The following ELN variants were observed in gnomAD, a reference collection of about 807,000 sequenced individuals.
ELN encodes tropoelastin.
In ELN, 65 loss-of-function variants were observed where a neutral mutation model predicts 105.8. The ratio of observed to expected loss-of-function variants is 0.61; its 90% CI spans 0.50 to 0.75. ELN has a LOEUF of 0.75. Among genes scored for constraint, ELN ranks in the 30% least tolerant of loss-of-function variants. The pLI, the probability that ELN is intolerant of heterozygous loss-of-function variation, is 0.00. For missense variants in ELN, 882 were observed against 969.4 expected (o/e 0.91, Z 1.20); for synonymous variants, 368 against 389.2 (o/e 0.95, Z 0.64).
chr7:74,065,473 G>C (rs1554688390), intron 29 of ELN, among the ~76,000 whole-genome samples: 1 of 151,792 alleles, frequency 6.6e-6, no homozygotes, highest in East Asian at 1.9e-4. Context: ...AATTAGCCAG[G>C]CGTGGTGGTG....
intron 25 of ELN, 183 bp downstream of exon 25, chr7:74,060,684 C>A: frequency 2.0e-6 from 3 of 1,484,846 alleles, no homozygotes; most frequent in Non-Finnish European, 2.7e-6. Context: ...GCCAAGGGAC[C>A]CCAGGCTGCC....
intron 4 of ELN, 136 bp from the exon 5 acceptor site, chr7:74,041,080 C>A: frequency 5.5e-6 from 6 of 1,097,288 alleles, no homozygotes; most frequent in Non-Finnish European, 8.4e-6. Context: ...CAGGATCGAC[C>A]CTGAGCATCA....
At chr7:74,061,354 T>TA (rs1327052532) in intron 26 of ELN, among the ~76,000 whole-genome samples, 1 of 150,666 alleles carries the variant, frequency 6.6e-6, no homozygotes, top group African/African-American at 2.5e-5. Flanking sequence ...CCATCTCTAC[T>TA]AAAAATTCAA....
intron 2 of ELN, among the ~76,000 whole-genome samples, chr7:74,036,183 G>A (rs1426469405): frequency 4.6e-5 from 7 of 151,976 alleles, no homozygotes; most frequent in Admixed American, 6.6e-5. Flanking sequence ...CCAGCTACTC[G>A]GGAGGCTAAG....
At chr7:74,034,802 T>C (rs1213322589) in intron 1 of ELN, among the ~76,000 whole-genome samples, 1 of 152,130 alleles carries the variant, frequency 6.6e-6, no homozygotes, top group Non-Finnish European at 1.5e-5. Flanking sequence ...CCTGATTTCA[T>C]GTCTTAAGAT....
In ELN at chr7:74,041,155, C is replaced by T; in HGVS notation, c.197-61C>T. 3.7e-6 allele frequency: 6 copies of T among 1,610,774 alleles called. No individual in the cohort carries two copies. The South Asian group carries it at 6.6e-5, about 18-fold the overall frequency. On this transcript the variant is annotated intron_variant, in intron 4 of 32. Transcript: ENST00000252034. ...ACAGCACTGCCCTAACTCCAGGAGA[C>T]ATTTCCCACTCTGGGCCTAGGAACA...
intron 15 of ELN, among the ~76,000 whole-genome samples, chr7:74,050,238 CCTCT>C (rs1243424056): frequency 1.3e-5 from 2 of 151,110 alleles, no homozygotes; most frequent in African/African-American, 2.4e-5. Flanking sequence ...TCCATTCTTC[CCTCT>C]ATCCATCCAC....
chr7:74,069,176 C>T lies in ELN; in HGVS notation c.*476C>T, dbSNP rs1477849133. 7 of 268,142 alleles carry T rather than the reference C, an allele frequency of 2.6e-5. No individual in the cohort carries two copies. Among genetic ancestry groups the T allele is most frequent in the African/African-American group, 1.6e-4 (7 of 44,462 alleles). The allele number at this position is 268,142 out of a possible 1,614,324, so 16.6% of individuals were successfully genotyped here. A position where few individuals can be genotyped will look rare whatever the true frequency, so the allele number is the denominator to read the frequency against. On this transcript the variant is annotated 3_prime_UTR_variant, in exon 33 of 33. Coordinates refer to ENST00000252034, the MANE Select transcript of ELN (RefSeq NM_000501.4). ...TGCCATCCAGTTGGTACCCAAGCACCTGAAGCCTCAAAGCTGGATTCGCTC... is the reference window on the plus strand; with the variant it reads ...TGCCATCCAGTTGGTACCCAAGCACTTGAAGCCTCAAAGCTGGATTCGCTC...
rs368175083 is a variant in ELN, at chr7:74,065,245, G to C, written c.1994-449G>C. On this transcript the variant is annotated intron_variant, in intron 29 of 32. Transcript: ENST00000252034. The stretch of plus-strand genomic sequence containing the variant: ...GCCTGGGCAACAGAGCAAGAAGCTG[G>C]ATAGATGAAGGAGAGATGGGGGGAT... Among the ~76,000 whole-genome samples the C allele has an allele frequency of 2.0e-5, 3 of 151,860 alleles. 1 individual carries two copies. The East Asian group carries it at 5.8e-4, about 30-fold the overall frequency.
chr7:74,036,582 G>A lies in ELN; in HGVS notation c.161G>A (p.Gly54Glu), dbSNP rs1412123803. The change falls in exon 3 of 33, where the codon GGA becomes GAA. Residue 54 changes from glycine to glutamate, a missense_variant and splice_region_variant. Physicochemically the swap from Gly to Glu is moderately conservative, Grantham distance 98. Coordinates refer to ENST00000252034, the MANE Select transcript of ELN (RefSeq NM_000501.4). The stretch of plus-strand genomic sequence containing the variant: ...GCTGGTCTCGGAGCCCTTGGAGGAG[G>A]AGGTGAGCTCAGAAACCACACTTGT... ...PGAGLGALGG[G>E]ALGPGGKPLK... 1 of 1,614,134 alleles carries A rather than the reference G, an allele frequency of 6.2e-7. No homozygotes were observed. Among genetic ancestry groups the A allele is most frequent in the Non-Finnish European group, 8.5e-7 (1 of 1,180,040 alleles).
intron 9 of ELN, 128 bp from the exon 10 acceptor site, chr7:74,045,094 C>A: frequency 2.0e-6 from 2 of 1,020,448 alleles, no homozygotes; most frequent in South Asian, 2.6e-5. Context: ...CCACCCACCC[C>A]GTGAGCCGTG....
intron 5 of ELN, among the ~76,000 whole-genome samples, chr7:74,041,573 G>A (rs956024199): frequency 3.9e-5 from 6 of 152,002 alleles, no homozygotes; most frequent in Non-Finnish European, 8.8e-5. Flanking sequence ...GGGGAAATTT[G>A]ACCCCAAAAG....
At chr7:74,036,622 G>C (rs1790014298) in intron 3 of ELN, 38 bp downstream of exon 3, 1 of 1,613,962 alleles carries the variant, frequency 6.2e-7, no homozygotes, top group East Asian at 2.2e-5. Context: ...CACTGAAAGG[G>C]CCTGGGTTTC....
chr7:74,068,754 T>C lies in ELN; in HGVS notation c.*54T>C. 1 of 1,604,300 alleles carries C rather than the reference T, an allele frequency of 6.2e-7. No individual in the cohort carries two copies. The highest frequency in any genetic ancestry group is 8.5e-7 in the Non-Finnish European group (1 of 1,171,348). On this transcript the variant is annotated 3_prime_UTR_variant, in exon 33 of 33. Transcript: ENST00000252034. ...CATCAACGTTGGTGCTACTGCTTGGTGGAGAATGTAAACCCTTTGTAACCC... is the reference window on the plus strand; with the variant it reads ...CATCAACGTTGGTGCTACTGCTTGGCGGAGAATGTAAACCCTTTGTAACCC...
At chr7:74,037,595 A>G in intron 3 of ELN, 112 bp from the exon 4 acceptor site, 9 of 1,479,740 alleles carry the variant, frequency 6.1e-6, no homozygotes, top group Non-Finnish European at 8.3e-6. Context: ...GAGCGGGAGG[A>G]CCTGGGGTGT....
intron 15 of ELN, 95 bp from the exon 16 acceptor site, chr7:74,051,655 T>C: frequency 7.0e-7 from 1 of 1,430,562 alleles, no homozygotes; most frequent in South Asian, 1.2e-5. Flanking sequence ...CTGGATAAGA[T>C]CACACTGGTG....
rs1244097150 is a variant in ELN at position 74,063,841 on chromosome 7, G to T, written c.1993+146G>T. Reference sequence around the variant, plus strand: ...CTCTTGGCCAGGTGCGGTGGCTCACGCCTGCAATCCCAGCACTCTAGTAGG... The same window carrying T: ...CTCTTGGCCAGGTGCGGTGGCTCACTCCTGCAATCCCAGCACTCTAGTAGG... On this transcript the variant is annotated intron_variant, in intron 29 of 32. Transcript: ENST00000252034. The surrounding 1 kb of genome is among the most constrained non-coding windows in gnomAD (Gnocchi z 4.1). The T allele has an allele frequency of 8.8e-7, 1 of 1,133,408 alleles. No homozygotes were observed. Among genetic ancestry groups the T allele is most frequent in the East Asian group, 2.5e-5 (1 of 39,308 alleles). 70.2% of individuals were successfully genotyped at this position (1,133,408 alleles called of 1,614,324 possible).
chr7:74,049,309 T>G (rs929880483), intron 15 of ELN, among the ~76,000 whole-genome samples: 5 of 150,042 alleles, frequency 3.3e-5, no homozygotes, highest in African/African-American at 1.2e-4. Context: ...CCTCCCTCCA[T>G]CCATTCTTCC....
rs1798689151 is a variant in ELN, at chr7:74,069,878, G to A, written c.*1178G>A. The stretch of plus-strand genomic sequence containing the variant: ...AAAGAGAATTAACTGCTTCAGAAAT[G>A]ACTAATAAATGAAAAACCTTTAAAG... On this transcript the variant is annotated 3_prime_UTR_variant, in exon 33 of 33. Transcript: ENST00000252034. 1.1e-5 allele frequency: 2 copies of A among 189,280 alleles called. No individual in the cohort carries two copies. The highest frequency in any genetic ancestry group is 4.7e-5 in the African/African-American group (2 of 42,728). 11.7% of individuals were successfully genotyped at this position (189,280 alleles called of 1,614,324 possible). A position where few individuals can be genotyped will look rare whatever the true frequency, so the allele number is the denominator to read the frequency against.
Sources: gnomAD v4.1 joint callset for allele counts (sites outside exome capture counted in the v4.1 genomes callset) on GRCh38, gnomAD v4.1.1 for gene constraint, Gnocchi (gnomAD v3.1) non-coding constraint, MANE v1.5 for transcripts, NCBI Gene and HGNC (gene_info 2026-07-23, HGNC 2026-07-21) for gene names.